PALD1: variants seen among roughly 807,000 people sequenced by gnomAD.
The protein encoded by PALD1 is phosphatase domain containing paladin 1, also known as paladin.
PALD1 carries 57 observed loss-of-function variants against 96.0 expected under a neutral mutation model. The ratio of observed to expected loss-of-function variants is 0.59; its 90% CI spans 0.48 to 0.74. PALD1 has a LOEUF of 0.74. Among genes scored for constraint, PALD1 ranks in the 30% least tolerant of loss-of-function variants. The pLI is 0.00. For synonymous variants in PALD1, 464 were observed against 473.6 expected (o/e 0.98, Z 0.26); for missense variants, 1,063 against 1,143.7 (o/e 0.93, Z 1.02).
Position 70,533,041 on chromosome 10 carries a change from C to A in PALD1, c.841C>A (p.Gln281Lys). 1 of 1,585,390 alleles carries A rather than the reference C, an allele frequency of 6.3e-7. No individual in the cohort carries two copies. The highest frequency in any genetic ancestry group is 8.6e-7 in the Non-Finnish European group (1 of 1,165,254). The change falls in exon 7 of 20, where the codon CAG (glutamine) becomes AAG (lysine). Residue 281 changes from glutamine (Q) to lysine (K), a missense_variant. Coordinates refer to ENST00000263563, the MANE Select transcript of PALD1 (RefSeq NM_014431.3). ...CGAGCAAGGGAGTCCCCTGGAGGCCCAGTTGGACGCCTTTGTCAGTGTTCT... is the reference window on the plus strand; with the variant it reads ...CGAGCAAGGGAGTCCCCTGGAGGCCAAGTTGGACGCCTTTGTCAGTGTTCT... Reference protein sequence around the residue: ...LPEQGSPLEAQLDAFVSVLRE... With the variant: ...LPEQGSPLEAKLDAFVSVLRE...
intron 1 of PALD1, among the ~76,000 whole-genome samples, chr10:70,498,396 C>T (rs920801067): frequency 2.6e-5 from 4 of 152,172 alleles, no homozygotes; most frequent in Non-Finnish European, 4.4e-5. Context: ...CCTCCTGTTT[C>T]AGCCTCCCAA....
intron 18 of PALD1, among the ~76,000 whole-genome samples, chr10:70,558,823 A>AAGTT (rs1847671625): frequency 6.6e-6 from 1 of 152,164 alleles, no homozygotes; most frequent in South Asian, 2.1e-4. Context: ...TGCAGTGGGC[A>AAGTT]AGTTAGCAAG....
chr10:70,549,535 C>T (rs1847437132), intron 18 of PALD1, among the ~76,000 whole-genome samples: 1 of 152,242 alleles, frequency 6.6e-6, no homozygotes, highest in Admixed American at 6.5e-5. Flanking sequence ...CAGGAGGGCT[C>T]CCCCAGAGCT....
At chr10:70,462,855 TGTTACTTGGCTGCATCC>T in the PALD1 span, among the ~76,000 whole-genome samples, 1 of 152,132 alleles carries the variant, frequency 6.6e-6, no homozygotes, top group Non-Finnish European at 1.5e-5. Flanking sequence ...CAGGCTTTCC[TGTTACTTGGCTGCATCC>T]GTGGCCACAC....
intron 10 of PALD1, among the ~76,000 whole-genome samples, chr10:70,535,526 C>T (rs1391770615): frequency 5.2e-5 from 7 of 133,990 alleles, no homozygotes; most frequent in African/African-American, 2.0e-4. Context: ...CCTCTTCCTC[C>T]TTCCTCCTCT....
the PALD1 span, among the ~76,000 whole-genome samples, chr10:70,468,289 G>A: frequency 2.6e-5 from 4 of 152,110 alleles, no homozygotes; most frequent in African/African-American, 9.7e-5. Context: ...TGTCACCCAG[G>A]CTGGAGTGCA....
chr10:70,472,841 T>C, the PALD1 span, among the ~76,000 whole-genome samples: 1 of 152,278 alleles, frequency 6.6e-6, no homozygotes, highest in South Asian at 2.1e-4. Flanking sequence ...GGACCAAGCA[T>C]TGGAGAGGAA....
chr10:70,564,291 AGCAGGGTG>A, intron 18 of PALD1, 65 bp from the exon 19 acceptor site: 2 of 1,474,706 alleles, frequency 1.4e-6, no homozygotes, highest in South Asian at 2.6e-5. Context: ...CACTCAGGGC[AGCAGGGTG>A]GCATGTTTGT....
In PALD1 at chr10:70,564,525, G is replaced by A. The variant is rs1421863351; in HGVS notation, c.2418+6G>A. The A allele has an allele frequency of 4.3e-6, 7 of 1,612,766 alleles. No individual in the cohort carries two copies. Among genetic ancestry groups the A allele is most frequent in the Non-Finnish European group, 5.9e-6 (7 of 1,179,586 alleles). ...TCAGCACCTGGATGCAGGAGGTGAG[G>A]GGAGGCTGAGGCCGAGAGGGGCCGG... On this transcript the variant is annotated splice_donor_region_variant and intron_variant, in intron 19 of 19. Coordinates refer to ENST00000263563, the MANE Select transcript of PALD1 (RefSeq NM_014431.3).
intron 17 of PALD1, among the ~76,000 whole-genome samples, chr10:70,546,020 T>A (rs1847354481): frequency 6.6e-6 from 1 of 152,062 alleles, no homozygotes; most frequent in Non-Finnish European, 1.5e-5. Flanking sequence ...GTGGATCACC[T>A]GAGGCCAGGA....
intron 9 of PALD1, 95 bp from the exon 10 acceptor site, chr10:70,534,644 T>A: frequency 1.7e-6 from 2 of 1,175,874 alleles, no homozygotes. Context: ...AATCTTTTTC[T>A]TTCCCTCTCT....
At chr10:70,482,397 G>T (rs1456763736) in intron 1 of PALD1, among the ~76,000 whole-genome samples, 1 of 152,212 alleles carries the variant, frequency 6.6e-6, no homozygotes, top group African/African-American at 2.4e-5. Flanking sequence ...TGCTGCCCCT[G>T]TCTTGGGCCA....
rs541902484 is a variant in PALD1, at chr10:70,546,952, A to AAACAAC, written c.2122-336_2122-331dup. Reference sequence around the variant, plus strand: ...GATGACAGAGTGAGACTCTGTCTCCAAACAACAACAACAACAACAACAATA... The same window carrying AAACAAC: ...GATGACAGAGTGAGACTCTGTCTCCAAACAACAACAACAACAACAACAACAACAATA... On this transcript the variant is annotated intron_variant, in intron 17 of 19. Coordinates refer to ENST00000263563, the MANE Select transcript of PALD1 (RefSeq NM_014431.3). 9.9e-3 allele frequency among the ~76,000 whole-genome samples: 1,505 copies of AAACAAC among 152,140 alleles called. 10 individuals carry two copies. The highest frequency in any genetic ancestry group is 0.015 in the African/African-American group (623 of 41,474).
chr10:70,523,642 A>C (rs956943229), intron 1 of PALD1, among the ~76,000 whole-genome samples: 8 of 152,112 alleles, frequency 5.3e-5, no homozygotes, highest in Non-Finnish European at 1.0e-4. Flanking sequence ...AGAGAAAGAG[A>C]GGGAGAAATT....
chr10:70,521,000 TTC>T (rs1255032623), intron 1 of PALD1, among the ~76,000 whole-genome samples: 1 of 152,182 alleles, frequency 6.6e-6, no homozygotes, highest in Non-Finnish European at 1.5e-5. Flanking sequence ...CCAGTTTCTT[TTC>T]TGACTGCCAT....
intron 1 of PALD1, among the ~76,000 whole-genome samples, chr10:70,498,715 T>C (rs1403024149): frequency 1.3e-5 from 2 of 151,778 alleles, no homozygotes; most frequent in African/African-American, 4.8e-5. Context: ...TCACCTGAGG[T>C]CAGGAGTTTG....
chr10:70,525,935 G>A lies in PALD1; in HGVS notation c.-17G>A, dbSNP rs1212103728. ...TCTTATCCTACAGGTCTGGGGTCCT[G>A]AGGCTGCTGGCAGACTATGGGTACA... On this transcript the variant is annotated 5_prime_UTR_variant, in exon 2 of 20. The change abolishes the stop of an existing upstream ORF in the 5' untranslated region. Coordinates refer to ENST00000263563, the MANE Select transcript of PALD1 (RefSeq NM_014431.3). 1.2e-6 allele frequency: 2 copies of A among 1,613,636 alleles called. No individual in the cohort carries two copies. Among genetic ancestry groups the A allele is most frequent in the Admixed American group, 1.7e-5 (1 of 60,018 alleles).
At chr10:70,478,016 C>T (rs2132246134), upstream of PALD1, among the ~76,000 whole-genome samples, 1 of 150,212 alleles carries the variant, frequency 6.7e-6, no homozygotes, top group East Asian at 2.0e-4. Flanking sequence ...CCGCCTAGTG[C>T]TAGTCCGCGC....
chr10:70,537,618 C>T (rs574126601), intron 10 of PALD1, among the ~76,000 whole-genome samples, 193 bp from the exon 11 acceptor site: 18 of 152,236 alleles, frequency 1.2e-4, no homozygotes, highest in Non-Finnish European at 2.2e-4. Flanking sequence ...CTCCCCTGAC[C>T]GCAGATAACC....
Sources: allele counts gnomAD v4.1 joint callset (sites outside exome capture counted in the v4.1 genomes callset), GRCh38; gene constraint gnomAD v4.1.1; transcripts MANE v1.5; gene names NCBI Gene and HGNC (gene_info 2026-07-23, HGNC 2026-07-21).